The following PTPN2 variants were observed in gnomAD, a reference collection of about 807,000 sequenced individuals.
PTPN2 encodes tyrosine-protein phosphatase non-receptor type 2.
PTPN2 carries 19 observed loss-of-function variants against 57.3 expected under a neutral mutation model. The ratio of observed to expected loss-of-function variants is 0.33; its 90% CI spans 0.23 to 0.49. The LOEUF (loss-of-function observed/expected upper bound fraction) is 0.49, where lower values mean the gene tolerates loss of function less well. PTPN2 is among the 20% of genes least tolerant of loss of function. The pLI is 0.99. For synonymous variants in PTPN2, 153 were observed against 164.9 expected, an observed-to-expected ratio of 0.93 and a Z score of 0.55; for missense variants, 358 against 501.1, an observed-to-expected ratio of 0.71 and a Z score of 2.73.
chr18:12,800,953 C>T (rs2041398192), intron 8 of PTPN2, among the ~76,000 whole-genome samples: 1 of 152,062 alleles, frequency 6.6e-6, no homozygotes, highest in African/African-American at 2.4e-5. Flanking sequence ...TTTTCTTTCT[C>T]CAGTAATGCA....
At chr18:12,832,634 G>C (rs140409251) in intron 3 of PTPN2, among the ~76,000 whole-genome samples, 5 of 152,092 alleles carry the variant, frequency 3.3e-5, no homozygotes, top group African/African-American at 1.2e-4. Flanking sequence ...CAGTCTAAAG[G>C]TAAAAACAGC....
chr18:12,857,761 T>TTA (rs2043644200), intron 2 of PTPN2, among the ~76,000 whole-genome samples: 1 of 152,066 alleles, frequency 6.6e-6, no homozygotes, highest in Admixed American at 6.6e-5. Flanking sequence ...AGGAAGTGGG[T>TTA]CAAATCTTCA....
chr18:12,858,181 T>C (rs2043659820), intron 2 of PTPN2, among the ~76,000 whole-genome samples: 1 of 152,110 alleles, frequency 6.6e-6, no homozygotes, highest in Non-Finnish European at 1.5e-5. Flanking sequence ...GGCAGCACCA[T>C]ACCCTAGTCA....
At chr18:12,823,964 AAC>A (rs2042359309) in intron 5 of PTPN2, among the ~76,000 whole-genome samples, 1 of 152,208 alleles carries the variant, frequency 6.6e-6, no homozygotes, top group South Asian at 2.1e-4. Context: ...GAAACAGGGA[AAC>A]ACATCTATGC....
At chr18:12,841,198 A>C (rs2043032837) in intron 2 of PTPN2, among the ~76,000 whole-genome samples, 1 of 152,206 alleles carries the variant, frequency 6.6e-6, no homozygotes, top group African/African-American at 2.4e-5. Context: ...CAGAGGGCAC[A>C]TCATAAAGAG....
Position 12,849,325 on chromosome 18 carries a change from G to A in PTPN2, c.160+9839C>T, listed in dbSNP as rs183544829. 1.2e-3 allele frequency among the ~76,000 whole-genome samples: 177 copies of A among 152,296 alleles called. 1 individual carries two copies. The highest frequency in any genetic ancestry group is 1.3e-3 in the Non-Finnish European group (91 of 68,026). On this transcript the variant is annotated intron_variant, in intron 2 of 8. Transcript: ENST00000309660. ...TGTAATCCCAGCACTTTGGGAGGCC[G>A]AGGCAGATGGATCACCTGAGGTCAG...
Position 12,884,229 on chromosome 18 carries a change from G to GGCGCATGCGCGCT in PTPN2, c.-89_-88insAGCGCGCATGCGC, listed in dbSNP as rs2044787612. 3 of 1,000,990 alleles carry GGCGCATGCGCGCT rather than the reference G, an allele frequency of 3.0e-6. No individual in the cohort carries two copies. Among genetic ancestry groups the GGCGCATGCGCGCT allele is most frequent in the Non-Finnish European group, 2.7e-6 (2 of 739,450 alleles). 62.0% of individuals were successfully genotyped at this position (1,000,990 alleles called of 1,614,324 possible). ...GATCCGGGGAGAGCGCTGGCGCTGC[G>GGCGCATGCGCGCT]GCGCATGCGCGCTGCGCGCCGCGCC... On this transcript the variant is annotated 5_prime_UTR_variant, in exon 1 of 9. In the 5' UTR this introduces an upstream ATG that the reference lacks. Coordinates refer to ENST00000309660, the MANE Select transcript of PTPN2 (RefSeq NM_002828.4).
chr18:12,825,538 A>C (rs2042420250), intron 5 of PTPN2, among the ~76,000 whole-genome samples: 2 of 152,148 alleles, frequency 1.3e-5, no homozygotes, highest in African/African-American at 4.8e-5. Flanking sequence ...CTGATTCTAA[A>C]GCCCTCTCTA....
intron 2 of PTPN2, among the ~76,000 whole-genome samples, chr18:12,850,817 G>A (rs922837881): frequency 2.0e-5 from 3 of 151,798 alleles, no homozygotes; most frequent in African/African-American, 7.3e-5. Flanking sequence ...TTGGCTCACC[G>A]CAACCTCTGC....
chr18:12,881,078 T>C (rs2044652622), intron 1 of PTPN2, among the ~76,000 whole-genome samples: 1 of 152,202 alleles, frequency 6.6e-6, no homozygotes, highest in African/African-American at 2.4e-5. Context: ...ACTACTGCCC[T>C]GTGCTGCGTG....
At chr18:12,806,922 A>G (rs914428654) in intron 7 of PTPN2, among the ~76,000 whole-genome samples, 1 of 152,198 alleles carries the variant, frequency 6.6e-6, no homozygotes, top group Non-Finnish European at 1.5e-5. Context: ...TCAAAAGCAA[A>G]AACAGACAAA....
chr18:12,795,611 A>C (rs1208476085), intron 8 of PTPN2, among the ~76,000 whole-genome samples: 5 of 152,162 alleles, frequency 3.3e-5, no homozygotes, highest in Non-Finnish European at 7.4e-5. Context: ...ATTTTGTTTC[A>C]GTGGAAGGTC....
chr18:12,828,903 A>T (rs912960176), intron 4 of PTPN2, among the ~76,000 whole-genome samples: 4 of 151,974 alleles, frequency 2.6e-5, no homozygotes, highest in African/African-American at 9.7e-5. Flanking sequence ...CAGCAAAAAA[A>T]ATTTTTTTTT....
intron 2 of PTPN2, among the ~76,000 whole-genome samples, chr18:12,856,521 G>C (rs73950683): frequency 0.072 from 11,006 of 152,134 alleles, 554 homozygotes; most frequent in East Asian, 0.14. Flanking sequence ...GGGAAGCTTG[G>C]TTCTCTCAAG....
At chr18:12,789,682 T>A (rs28676870), downstream of PTPN2, among the ~76,000 whole-genome samples, 10 of 152,074 alleles carry the variant, frequency 6.6e-5, no homozygotes, top group Non-Finnish European at 1.2e-4. Flanking sequence ...GTGCACCTGC[T>A]AGAAAAACAG....
chr18:12,876,819 T>C (rs910431871), intron 1 of PTPN2, among the ~76,000 whole-genome samples: 1 of 152,242 alleles, frequency 6.6e-6, no homozygotes, highest in Non-Finnish European at 1.5e-5. Context: ...GTCTGATCCC[T>C]GGATCCCAGA....
intron 5 of PTPN2, among the ~76,000 whole-genome samples, chr18:12,825,527 C>T (rs2042420020): frequency 6.6e-6 from 1 of 152,056 alleles, no homozygotes; most frequent in South Asian, 2.1e-4. Flanking sequence ...TCCAGGTTTG[C>T]CTGATTCTAA....
Position 12,814,343 on chromosome 18 carries a change from C to T in PTPN2, c.718G>A (p.Asp240Asn). The T allele has an allele frequency of 6.3e-7, 1 of 1,586,236 alleles. No homozygotes were observed. The highest frequency in any genetic ancestry group is 8.5e-7 in the Non-Finnish European group (1 of 1,170,152). Residue 240 changes from aspartate to asparagine, a missense_variant, in exon 7 of 9, where the codon GAT becomes AAT. Asp to Asn is a conservative substitution (Grantham distance 23). Around this residue, in one of 4 missense-constraint regions of PTPN2, gnomAD observed 193 missense variants for 315.4 expected, o/e 0.61. Coordinates refer to ENST00000309660, the MANE Select transcript of PTPN2 (RefSeq NM_002828.4). ...DTCLVLMEKG[D>N]DINIKQVLLN... is the part of the protein sequence containing the mutation. ...AACACTTGTTTTATGTTAATATCAT[C>T]TCCTTTTTCCATCTGCAAGAAAGGC...
chr18:12,830,819 G>C, intron 4 of PTPN2, 124 bp downstream of exon 4: 1 of 624,068 alleles, frequency 1.6e-6, no homozygotes, highest in Non-Finnish European at 2.8e-6. Flanking sequence ...GAAACACTTT[G>C]ACCGCTAGCC....
Sources: gnomAD v4.1 joint callset for allele counts (sites outside exome capture counted in the v4.1 genomes callset) on GRCh38, gnomAD v4.1.1 for gene constraint, gnomAD v4.1.1 regional missense constraint, MANE v1.5 for transcripts, NCBI Gene and HGNC (gene_info 2026-07-23, HGNC 2026-07-21) for gene names.